The following REPS2 variants were observed in gnomAD, a reference collection of about 807,000 sequenced individuals.
REPS2 encodes RALBP1 associated Eps domain containing 2.
Under a neutral mutation model 53.6 loss-of-function variants are expected in REPS2, and 23 were observed. The ratio of observed to expected loss-of-function variants is 0.43; its 90% confidence interval spans 0.31 to 0.61. The LOEUF (loss-of-function observed/expected upper bound fraction) is 0.61. REPS2 is among the 20% of genes least tolerant of loss of function. The probability of loss-of-function intolerance (pLI) is 0.11; values close to 1 mark genes in which losing one functional copy is unlikely to be tolerated. For synonymous variants in REPS2, 238 were observed against 218.6 expected (o/e 1.09, Z -0.78); for missense variants, 446 against 534.9 (o/e 0.83, Z 1.64).
intron 3 of REPS2, 42 bp from the exon 4 acceptor site, chrX:17,025,017 G>C (rs1407370983): frequency 1.7e-6 from 2 of 1,211,181 alleles, no homozygotes; most frequent in South Asian, 3.5e-5. Context: ...AGAACGCCAG[G>C]CTTGAGTGAG....
chrX:16,983,701 G>A (rs1249385606), intron 1 of REPS2, among the ~76,000 whole-genome samples: 1 of 112,340 alleles, frequency 8.9e-6, no homozygotes, highest in African/African-American at 3.2e-5. Context: ...ATGGGATTTC[G>A]CTATGTTGGC....
chrX:17,018,113 A>C (rs2061522758), intron 2 of REPS2, among the ~76,000 whole-genome samples: 1 of 111,047 alleles, frequency 9.0e-6, no homozygotes, highest in Non-Finnish European at 1.9e-5. Context: ...TTGGGTAACT[A>C]GTTTCTAGAA....
Position 17,029,555 on chromosome X carries a change from C to T in REPS2, c.703C>T (p.Gln235Ter). 1 of 1,210,229 alleles carries T rather than the reference C, an allele frequency of 8.3e-7. No homozygotes were observed. Among genetic ancestry groups the T allele is most frequent in the Non-Finnish European group, 1.1e-6 (1 of 894,240 alleles). Residue 235 changes from glutamine (Q) to a stop codon, truncating the protein, a stop_gained, in exon 5 of 18, where the codon CAG (glutamine) becomes TAG (stop). Transcript: ENST00000357277. LOFTEE classifies it high-confidence loss of function. The stretch of plus-strand genomic sequence containing the variant: ...TTATGAAGCTAGGCAGCCCCTTGTC[C>T]AGCCCGAGGGATCCTCATCAGGGGG... ...APYEARQPLV[Q>*]PEGSSSGGPG...
At chrX:17,138,461 C>G (rs1396639643) in intron 16 of REPS2, 2 of 116,792 alleles carry the variant, frequency 1.7e-5, no homozygotes, top group African/African-American at 6.4e-5. Context: ...GTATTATTTT[C>G]CTTCAGACTT....
At chrX:17,189,320 C>T in the REPS2 span, among the ~76,000 whole-genome samples, 1 of 105,927 alleles carries the variant, frequency 9.4e-6, no homozygotes, top group Non-Finnish European at 1.9e-5. Flanking sequence ...GAGTCTCGCT[C>T]TGTCACCCAG....
the REPS2 span, among the ~76,000 whole-genome samples, chrX:17,183,808 C>T: frequency 8.9e-6 from 1 of 112,082 alleles, no homozygotes; most frequent in Non-Finnish European, 1.9e-5. Flanking sequence ...TCCCCTCTGG[C>T]CACATTTTCC....
chrX:17,042,053 GT>G (rs2061837413), intron 5 of REPS2, among the ~76,000 whole-genome samples: 1 of 112,359 alleles, frequency 8.9e-6, no homozygotes, highest in Non-Finnish European at 1.9e-5. Flanking sequence ...GGGGTTGAAT[GT>G]TTTAAATATA....
At chrX:17,159,073 A>T in the REPS2 span, among the ~76,000 whole-genome samples, 1 of 111,689 alleles carries the variant, frequency 9.0e-6, no homozygotes, top group African/African-American at 3.3e-5. Context: ...TCAAAATATG[A>T]TTCCATCAAA....
At chrX:16,978,517 T>G (rs77366979) in intron 1 of REPS2, 1 of 732,144 alleles carries the variant, frequency 1.4e-6, no homozygotes, top group African/African-American at 2.4e-5. Flanking sequence ...TTTTTTTTTT[T>G]GTTGAGCCAC....
the REPS2 span, among the ~76,000 whole-genome samples, chrX:17,169,123 G>A: frequency 8.9e-6 from 1 of 112,552 alleles, no homozygotes; most frequent in African/African-American, 3.2e-5. Flanking sequence ...AGCCAGCTCA[G>A]TAGCTGACCA....
chrX:16,961,535 ACTC>A (rs2060661027), intron 1 of REPS2, among the ~76,000 whole-genome samples: 1 of 111,920 alleles, frequency 8.9e-6, no homozygotes, highest in African/African-American at 3.2e-5. Context: ...AAACCATTGA[ACTC>A]CTAGAAGAAA....
chrX:17,005,133 A>G (rs972031885), intron 1 of REPS2, among the ~76,000 whole-genome samples: 1 of 111,723 alleles, frequency 9.0e-6, no homozygotes, highest in African/African-American at 3.3e-5. Flanking sequence ...ATTCACAATA[A>G]GGGCTACATT....
chrX:17,125,237 C>T (rs2063193701), intron 14 of REPS2, among the ~76,000 whole-genome samples: 1 of 110,871 alleles, frequency 9.0e-6, no homozygotes, highest in Admixed American at 9.6e-5. Context: ...AGATTTTGCC[C>T]AGCTGCAAAT....
intron 13 of REPS2, among the ~76,000 whole-genome samples, chrX:17,096,830 A>G (rs2062711437): frequency 9.0e-6 from 1 of 111,665 alleles, no homozygotes; most frequent in Non-Finnish European, 1.9e-5. Flanking sequence ...AAGAACGACT[A>G]AAGAGGGAAT....
intron 5 of REPS2, among the ~76,000 whole-genome samples, chrX:17,032,766 G>A (rs1017762231): frequency 2.7e-5 from 3 of 112,410 alleles, no homozygotes; most frequent in Non-Finnish European, 5.6e-5. Flanking sequence ...CTCCCAGCCA[G>A]TGCTGTTGCA....
intron 11 of REPS2, 146 bp downstream of exon 11, chrX:17,070,139 CT>C: frequency 3.2e-6 from 1 of 316,211 alleles, no homozygotes; most frequent in Non-Finnish European, 5.5e-6. Flanking sequence ...ACAAGGAAAC[CT>C]TTTGGCTTTT....
rs111741966 is a variant in REPS2 at position 17,003,228 on chromosome X, A to T, written c.274-2993A>T. The stretch of plus-strand genomic sequence containing the variant: ...GGGATGTGTTAGAAAGCTAGTAAAA[A>T]GTGTTATGGGAATGCAGAGAACATG... On this transcript the variant is annotated intron_variant, in intron 1 of 17. Coordinates refer to ENST00000357277, the MANE Select transcript of REPS2 (RefSeq NM_004726.3). Among the ~76,000 whole-genome samples the T allele has an allele frequency of 5.4e-3, 606 of 111,964 alleles. 5 individuals carry two copies. Among genetic ancestry groups the T allele is most frequent in the African/African-American group, 0.019 (580 of 30,826 alleles).
intron 5 of REPS2, among the ~76,000 whole-genome samples, chrX:17,036,241 AAAC>A (rs1304062967): frequency 4.4e-5 from 5 of 112,828 alleles, no homozygotes; most frequent in African/African-American, 1.6e-4. Context: ...ACCTTTGTGA[AAAC>A]AATGTGCTAA....
intron 13 of REPS2, among the ~76,000 whole-genome samples, chrX:17,090,265 G>A (rs981081520): frequency 8.9e-5 from 10 of 112,588 alleles, no homozygotes; most frequent in Middle Eastern, 4.6e-3. Context: ...GGTTTAGTTG[G>A]ACTTACAGTT....
Sources: gnomAD v4.1 joint callset for allele counts (sites outside exome capture counted in the v4.1 genomes callset) on GRCh38, gnomAD v4.1.1 for gene constraint, MANE v1.5 for transcripts, NCBI Gene and HGNC (gene_info 2026-07-23, HGNC 2026-07-21) for gene names.